The following SLC8A1 variants were observed in gnomAD, a reference collection of about 807,000 sequenced individuals.
SLC8A1 encodes sodium/calcium exchanger 1.
Under a neutral mutation model 68.3 loss-of-function variants are expected in SLC8A1, and 18 were observed. The ratio of observed to expected loss-of-function variants is 0.26; its 90% confidence interval spans 0.18 to 0.39. The LOEUF (loss-of-function observed/expected upper bound fraction) is 0.39, where lower values mean the gene tolerates loss of function less well. SLC8A1 is among the 10% of genes least tolerant of loss of function. The pLI, the probability that SLC8A1 is intolerant of heterozygous loss-of-function variation, is 1.00. For synonymous variants in SLC8A1, 475 were observed against 415.5 expected, an observed-to-expected ratio of 1.14 and a Z score of -1.74; for missense variants, 985 against 1,156.7, an observed-to-expected ratio of 0.85 and a Z score of 2.15.
chr2:40,197,617 C>T (rs764913134), intron 2 of SLC8A1, among the ~76,000 whole-genome samples: 1 of 151,976 alleles, frequency 6.6e-6, no homozygotes, highest in African/African-American at 2.4e-5. Context: ...TCTGGTAGGT[C>T]TGCTTCCATT....
intron 6 of SLC8A1, among the ~76,000 whole-genome samples, chr2:40,155,604 T>C (rs1407627569): frequency 6.6e-6 from 1 of 152,210 alleles, no homozygotes; most frequent in African/African-American, 2.4e-5. Context: ...TGAGGTACCA[T>C]TTTTATTAAG....
At chr2:40,387,817 A>C (rs1684038824) in intron 2 of SLC8A1, among the ~76,000 whole-genome samples, 2 of 151,670 alleles carry the variant, frequency 1.3e-5, no homozygotes, top group African/African-American at 2.4e-5. Context: ...TGTGCCTGTA[A>C]TCCCAGCTAC....
chr2:40,385,431 T>C (rs1435024247), intron 2 of SLC8A1, among the ~76,000 whole-genome samples: 1 of 110,152 alleles, frequency 9.1e-6, no homozygotes, highest in Non-Finnish European at 1.8e-5. Flanking sequence ...AATCACCATT[T>C]TTCAAAGTAT....
At chr2:40,453,524 G>C (rs41281449), upstream of SLC8A1, 2,813 of 152,272 alleles carry the variant, frequency 0.018, 28 homozygotes, top group Non-Finnish European at 0.028. Context: ...CCCTGTGCCA[G>C]TGGCTCTCAA....
intron 2 of SLC8A1, among the ~76,000 whole-genome samples, chr2:40,196,837 T>C (rs2053141980): frequency 2.0e-5 from 3 of 152,058 alleles, no homozygotes. Flanking sequence ...CAAAAGGTAG[T>C]TCTTTGTGGC....
chr2:40,301,384 A>C (rs13429313), intron 2 of SLC8A1, among the ~76,000 whole-genome samples: 12,702 of 152,244 alleles, frequency 0.083, 763 homozygotes, highest in African/African-American at 0.17. Context: ...ACTTATCCCA[A>C]CTGAATCTGA....
At chr2:40,222,778 C>T (rs2058500894) in intron 2 of SLC8A1, among the ~76,000 whole-genome samples, 1 of 152,298 alleles carries the variant, frequency 6.6e-6, no homozygotes, top group African/African-American at 2.4e-5. Context: ...AGCTCATCAT[C>T]ACTTGTCATT....
rs1317877011 is a variant in SLC8A1, at chr2:40,406,945, CCA to C, written c.1808+21526_1808+21527del. On this transcript the variant is annotated intron_variant, in intron 2 of 7. Transcript: ENST00000406785. ...CTGTGTTGTGTTCTCAATTCCTTCT[CCA>C]CAGTTTTTTTTACTTCATGATGACA... is the stretch of plus-strand genomic sequence containing the variant. Among the ~76,000 whole-genome samples, 6 of 146,684 alleles carry C rather than the reference CCA, an allele frequency of 4.1e-5. No individual in the cohort carries two copies. The East Asian group carries it at 1.3e-3, about 31-fold the overall frequency.
At chr2:40,463,893 T>TAG (rs1703498436) in intron 1 of SLC8A1, among the ~76,000 whole-genome samples, 3 of 141,708 alleles carry the variant, frequency 2.1e-5, no homozygotes, top group Admixed American at 7.1e-5. Flanking sequence ...CACACATATA[T>TAG]ATATAGAGAG....
chr2:40,275,858 G>A (rs2066629876), intron 2 of SLC8A1, among the ~76,000 whole-genome samples: 2 of 152,104 alleles, frequency 1.3e-5, no homozygotes, highest in African/African-American at 4.8e-5. Flanking sequence ...TGGTGAAGTG[G>A]GGCATGGTGG....
chr2:40,432,629 T>G (rs530057095), intron 1 of SLC8A1, among the ~76,000 whole-genome samples: 1 of 151,744 alleles, frequency 6.6e-6, no homozygotes, highest in South Asian at 2.1e-4. Context: ...AGAAAACCAA[T>G]GTAGCAAGAG....
At chr2:40,274,428 GA>G (rs2066447052) in intron 2 of SLC8A1, among the ~76,000 whole-genome samples, 1 of 152,126 alleles carries the variant, frequency 6.6e-6, no homozygotes, top group Admixed American at 6.5e-5. Context: ...AGTATCAGAT[GA>G]AAAGCCATGG....
At chr2:40,200,247 T>TATATTTATATATATATAA (rs2054066067) in intron 2 of SLC8A1, among the ~76,000 whole-genome samples, 5 of 18,004 alleles carry the variant, frequency 2.8e-4, no homozygotes, top group African/African-American at 7.0e-4. Flanking sequence ...TAAATATATA[T>TATATTTATATATATATAA]ATATATATAT....
At chr2:40,253,324 A>T (rs1574768607) in intron 2 of SLC8A1, among the ~76,000 whole-genome samples, 1 of 151,372 alleles carries the variant, frequency 6.6e-6, no homozygotes, top group East Asian at 2.0e-4. Context: ...ATACACACAC[A>T]TATATGTGTA....
chr2:40,464,273 A>G (rs1703527585), intron 1 of SLC8A1, among the ~76,000 whole-genome samples: 1 of 152,230 alleles, frequency 6.6e-6, no homozygotes, highest in South Asian at 2.1e-4. Flanking sequence ...AAGAAGAAAT[A>G]TTGGTAGCCA....
chr2:40,202,565 T>C (rs1452948895), intron 2 of SLC8A1, among the ~76,000 whole-genome samples: 1 of 152,048 alleles, frequency 6.6e-6, no homozygotes, highest in East Asian at 1.9e-4. Context: ...AAATATATAA[T>C]GGTGGCCATA....
At chr2:40,141,024 G>T in intron 6 of SLC8A1, among the ~76,000 whole-genome samples, 1 of 152,288 alleles carries the variant, frequency 6.6e-6, no homozygotes, top group Admixed American at 6.5e-5. Context: ...TTCTTGAAGT[G>T]GTGGCAAATA....
At chr2:40,128,495 T>A (rs2038628754) in intron 7 of SLC8A1, among the ~76,000 whole-genome samples, 1 of 152,210 alleles carries the variant, frequency 6.6e-6, no homozygotes, top group Admixed American at 6.5e-5. Flanking sequence ...GCTGGGGCCA[T>A]GAATGAGAGT....
At chr2:40,139,274 C>G (rs534876877) in intron 7 of SLC8A1, 127 bp downstream of exon 10, 1 of 1,048,444 alleles carries the variant, frequency 9.5e-7, no homozygotes, top group East Asian at 2.6e-5. Flanking sequence ...TTATTTATAC[C>G]TCAGGGCTCT....
Sources: gnomAD v4.1 joint callset for allele counts (sites outside exome capture counted in the v4.1 genomes callset) on GRCh38, gnomAD v4.1.1 for gene constraint, MANE v1.5 for transcripts, NCBI Gene and HGNC (gene_info 2026-07-23, HGNC 2026-07-21) for gene names.